KLHL13: variants seen among roughly 807,000 people sequenced by gnomAD.
The protein encoded by KLHL13 is kelch-like protein 13.
A neutral mutation model predicts 37.1 loss-of-function variants in KLHL13; 10 were observed. The ratio of observed to expected loss-of-function variants is 0.27; its 90% CI spans 0.17 to 0.46. The LOEUF is 0.46. KLHL13 is among the 20% of genes least tolerant of loss of function. The probability of loss-of-function intolerance (pLI) is 1.00; values close to 1 mark genes in which losing one functional copy is unlikely to be tolerated. For synonymous variants in KLHL13, 163 were observed against 181.2 expected (o/e 0.90, Z 0.81); for missense variants, 360 against 509.3 (o/e 0.71, Z 2.82).
intron 1 of KLHL13, among the ~76,000 whole-genome samples, chrX:118,018,351 T>A (rs1194597791): frequency 4.5e-5 from 5 of 111,778 alleles, no homozygotes; most frequent in Non-Finnish European, 9.4e-5. Context: ...TTCATCATGC[T>A]TTTGCACGTG....
intron 1 of KLHL13, among the ~76,000 whole-genome samples, chrX:118,025,978 T>C (rs2054271206): frequency 8.9e-6 from 1 of 111,839 alleles, no homozygotes; most frequent in Non-Finnish European, 1.9e-5. Flanking sequence ...TTGGATTCGG[T>C]ACTATCCTCA....
chrX:117,932,055 C>T (rs1452053760), intron 2 of KLHL13, among the ~76,000 whole-genome samples: 1 of 110,878 alleles, frequency 9.0e-6, no homozygotes, highest in Non-Finnish European at 1.9e-5. Flanking sequence ...ATAATTGACA[C>T]ATAATAATTG....
intron 5 of KLHL13, 117 bp from the exon 7 acceptor site, chrX:117,902,063 C>G (rs1422922134): frequency 7.2e-6 from 3 of 418,681 alleles, no homozygotes; most frequent in South Asian, 4.5e-5. Flanking sequence ...TCTATTATAG[C>G]TATGATAGAT....
chrX:117,909,428 T>C (rs1429361910), exon 5 of KLHL13: 1 of 1,211,707 alleles, frequency 8.3e-7, no homozygotes, highest in Non-Finnish European at 1.1e-6. Flanking sequence ...GAGGATCAAA[T>C]CTGAAGACTG....
At chrX:117,923,123 C>T (rs1364025992) in intron 2 of KLHL13, among the ~76,000 whole-genome samples, 1 of 111,933 alleles carries the variant, frequency 8.9e-6, no homozygotes, top group East Asian at 2.8e-4. Context: ...GTTGAACACT[C>T]AGGTTTTCCC....
intron 1 of KLHL13, among the ~76,000 whole-genome samples, chrX:118,062,347 T>A (rs2054751418): frequency 9.0e-6 from 1 of 110,755 alleles, no homozygotes; most frequent in Admixed American, 9.7e-5. Flanking sequence ...TCTTATTATA[T>A]ACAAACAAGT....
upstream of KLHL13, among the ~76,000 whole-genome samples, chrX:117,978,645 T>C (rs945690699): frequency 1.8e-5 from 2 of 111,170 alleles, no homozygotes; most frequent in South Asian, 3.8e-4. Context: ...ATCCAGTTGT[T>C]GGGGACCCGA....
At chrX:118,014,734 C>T (rs918015452) in intron 1 of KLHL13, among the ~76,000 whole-genome samples, 3 of 112,060 alleles carry the variant, frequency 2.7e-5, no homozygotes, top group African/African-American at 6.5e-5. Context: ...TTTCTGAGAC[C>T]AGCTGACACT....
intron 1 of KLHL13, among the ~76,000 whole-genome samples, chrX:118,022,513 T>G (rs1353720428): frequency 8.9e-6 from 1 of 111,987 alleles, no homozygotes; most frequent in Admixed American, 9.5e-5. Context: ...TCATTTGTCT[T>G]TCTGATAATG....
At chrX:118,112,068 T>C (rs12556108) in intron 1 of KLHL13, among the ~76,000 whole-genome samples, 16,883 of 111,073 alleles carry the variant, frequency 0.15, 1,235 homozygotes, top group East Asian at 0.32. Flanking sequence ...TTAAGTCTCC[T>C]AGCTGGAATT....
intron 1 of KLHL13, among the ~76,000 whole-genome samples, chrX:117,958,753 G>A (rs1186011599): frequency 9.1e-6 from 1 of 110,441 alleles, no homozygotes. Context: ...ATAATTAAAT[G>A]ATATAAAATT....
intron 1 of KLHL13, among the ~76,000 whole-genome samples, chrX:118,107,584 C>T: frequency 8.9e-6 from 1 of 111,998 alleles, no homozygotes; most frequent in Middle Eastern, 4.7e-3. Flanking sequence ...GTGCTTAGCA[C>T]TCTATACGCA....
chrX:118,030,521 T>A (rs149538500), intron 1 of KLHL13, among the ~76,000 whole-genome samples: 1,824 of 111,943 alleles, frequency 0.016, 36 homozygotes, highest in African/African-American at 0.055. Context: ...AATTTTCTCT[T>A]AATCTCTGCT....
chrX:118,060,317 T>C, intron 1 of KLHL13, among the ~76,000 whole-genome samples: 1 of 111,400 alleles, frequency 9.0e-6, no homozygotes, highest in Non-Finnish European at 1.9e-5. Flanking sequence ...GTACTATGAC[T>C]TTGTAAAGTG....
In KLHL13 at chrX:117,901,951, TA is replaced by T. The variant is rs373043370; in HGVS notation, c.1367-6del. ...GATTGTAACATTCTACTGTGGCTGT[TA>T]AAAAAAAAAAGAAAAGAAAATTATT... is the stretch of plus-strand genomic sequence containing the variant. On this transcript the variant is annotated splice_polypyrimidine_tract_variant and splice_region_variant and intron_variant, in intron 5 of 6. Transcript: ENST00000262820. 0.035 allele frequency: 25,505 copies of T among 732,708 alleles called. No individual in the cohort carries two copies. Among genetic ancestry groups the T allele is most frequent in the Non-Finnish European group, 0.037 (20,139 of 541,545 alleles). 60.4% of individuals were successfully genotyped at this position (732,708 alleles called of 1,213,427 possible). A position where few individuals can be genotyped will look rare whatever the true frequency, so the allele number is the denominator to read the frequency against.
intron 1 of KLHL13, among the ~76,000 whole-genome samples, chrX:118,097,116 T>C (rs1179741334): frequency 4.5e-5 from 5 of 111,118 alleles, no homozygotes; most frequent in African/African-American, 1.6e-4. Flanking sequence ...GGGCATTCAA[T>C]TAGGAAAAGA....
intron 1 of KLHL13, among the ~76,000 whole-genome samples, chrX:118,029,223 T>A (rs2054309311): frequency 9.0e-6 from 1 of 111,385 alleles, no homozygotes; most frequent in Admixed American, 9.6e-5. Context: ...GGCAAATACA[T>A]GCCACATAGA....
intron 2 of KLHL13, among the ~76,000 whole-genome samples, chrX:117,936,035 G>A (rs977012571): frequency 6.3e-5 from 7 of 111,308 alleles, no homozygotes; most frequent in Non-Finnish European, 1.3e-4. Context: ...AAAAACTGAA[G>A]GTGCTAGGAA....
rs755928395 is a variant in KLHL13, at chrX:118,035,313, C to T, written c.-56+81195G>A. 5.2e-3 allele frequency among the ~76,000 whole-genome samples: 542 copies of T among 104,212 alleles called. 1 individual carries two copies. The highest frequency in any genetic ancestry group is 7.0e-3 in the Non-Finnish European group (365 of 52,324). The allele number at this position is 104,212 out of a possible 115,157, so 90.5% of individuals were successfully genotyped here. On this transcript the variant is annotated intron_variant, in intron 1 of 6. Coordinates refer to the KLHL13 transcript ENST00000371882. ...AATAAAGAGAATTTTAGACCAATAT[C>T]CTTGATGAACATTGATGCAAAAATC...
Sources: allele counts gnomAD v4.1 joint callset (sites outside exome capture counted in the v4.1 genomes callset), GRCh38; gene constraint gnomAD v4.1.1; transcripts MANE v1.5; gene names NCBI Gene and HGNC (gene_info 2026-07-23, HGNC 2026-07-21).